Variants in KIZ observed in about 807,000 individuals in gnomAD.
KIZ encodes kizuna centrosomal protein, also known as centrosomal protein kizuna.
KIZ carries 68 observed loss-of-function variants against 79.6 expected under a neutral mutation model. That is an observed-to-expected ratio of 0.85 (90% confidence interval 0.70 to 1.05). KIZ has a LOEUF of 1.05. Ranked by LOEUF, KIZ falls within the 50% of genes least tolerant of loss-of-function variation. The pLI is 0.00. For synonymous variants in KIZ, 280 were observed against 281.8 expected, an observed-to-expected ratio of 0.99 and a Z score of 0.06; for missense variants, 797 against 800.4, an observed-to-expected ratio of 1.00 and a Z score of 0.05.
At chr20:21,136,656 C>T (rs1600356097) in intron 3 of KIZ, 104 bp downstream of exon 3, 3 of 763,292 alleles carry the variant, frequency 3.9e-6, no homozygotes, top group Non-Finnish European at 6.1e-6. Flanking sequence ...TAGACTTGAA[C>T]ACCTGGGCTC....
At chr20:21,137,414 G>A (rs749592209) in intron 3 of KIZ, among the ~76,000 whole-genome samples, 14 of 151,622 alleles carry the variant, frequency 9.2e-5, no homozygotes, top group Non-Finnish European at 1.9e-4. Flanking sequence ...TCTTAACACT[G>A]GTCACAGGAG....
At chr20:21,147,431 T>G (rs1442563198) in intron 4 of KIZ, among the ~76,000 whole-genome samples, 1 of 152,244 alleles carries the variant, frequency 6.6e-6, no homozygotes, top group Non-Finnish European at 1.5e-5. Context: ...AGCAAAATCA[T>G]GTTTTAGTTA....
intron 10 of KIZ, among the ~76,000 whole-genome samples, chr20:21,230,440 A>C (rs1365298088): frequency 6.6e-6 from 1 of 152,238 alleles, no homozygotes; most frequent in African/African-American, 2.4e-5. Flanking sequence ...ACACCACTGC[A>C]CTGGGCAACA....
chr20:21,232,602 TTC>T, intron 10 of KIZ, 130 bp from the exon 11 acceptor site: 1 of 599,404 alleles, frequency 1.7e-6, no homozygotes, highest in South Asian at 2.1e-5. Context: ...CTCCCTTGCC[TTC>T]TGTGGCTTGA....
intron 6 of KIZ, among the ~76,000 whole-genome samples, chr20:21,174,213 G>A (rs1248968433): frequency 2.6e-5 from 4 of 152,148 alleles, no homozygotes; most frequent in Non-Finnish European, 5.9e-5. Context: ...CAACCAAAAT[G>A]GTTGTTAGTA....
Position 21,162,442 on chromosome 20 carries a change from C to A in KIZ, c.977C>A (p.Ser326Ter), listed in dbSNP as rs1358081303. ...CCGCCAGTCTCTCCGATACCAGTTT[C>A]AGAATACTGTGAATCTGAAAATAAG... is the stretch of plus-strand genomic sequence containing the variant. ...ASPPVSPIPVSEYCESENKWS... is the reference protein window; with the variant it reads ...ASPPVSPIPV The change falls in exon 5 of 13, where the codon TCA becomes TAA. Residue 326 changes from serine to a stop codon, truncating the protein, a stop_gained. Transcript: ENST00000619189. LOFTEE classifies it high-confidence loss of function. 1 of 1,613,200 alleles carries A rather than the reference C, an allele frequency of 6.2e-7. No individual in the cohort carries two copies. Among genetic ancestry groups the A allele is most frequent in the East Asian group, 2.2e-5 (1 of 44,848 alleles).
intron 3 of KIZ, among the ~76,000 whole-genome samples, chr20:21,139,892 C>A (rs1287507868): frequency 2.0e-5 from 3 of 152,086 alleles, no homozygotes; most frequent in African/African-American, 7.2e-5. Context: ...TAAAAAAATT[C>A]TTCTAGTAGC....
intron 11 of KIZ, among the ~76,000 whole-genome samples, chr20:21,233,553 A>G (rs1179449655): frequency 6.6e-6 from 1 of 152,214 alleles, no homozygotes; most frequent in African/African-American, 2.4e-5. Flanking sequence ...TGGCATAGCA[A>G]CTTTCCTTTT....
At chr20:21,151,694 A>G (rs1416914547) in intron 4 of KIZ, 2 of 152,184 alleles carry the variant, frequency 1.3e-5, no homozygotes, top group Non-Finnish European at 1.5e-5. Context: ...TTATTAGAAA[A>G]AGATATACTT....
intron 9 of KIZ, among the ~76,000 whole-genome samples, chr20:21,225,548 T>C (rs1472030789): frequency 6.6e-6 from 1 of 152,240 alleles, no homozygotes; most frequent in Non-Finnish European, 1.5e-5. Context: ...CTTGGAAATA[T>C]ATCGACTTTG....
At chr20:21,137,008 A>G (rs1406721000) in intron 3 of KIZ, among the ~76,000 whole-genome samples, 5 of 152,260 alleles carry the variant, frequency 3.3e-5, no homozygotes, top group Non-Finnish European at 7.3e-5. Flanking sequence ...ATCACTAGCC[A>G]GTACCTGGCA....
Position 21,205,618 on chromosome 20 carries a change from C to G in KIZ, c.1446+34C>G, listed in dbSNP as rs1386412300. On this transcript the variant is annotated intron_variant, in intron 7 of 12. Coordinates refer to ENST00000619189, the MANE Select transcript of KIZ (RefSeq NM_018474.6). ...CTAAACTGTCTGAAGTTTTCCCAAT[C>G]ACAAATGTGGACCACAGGGTAAGGT... 3.4e-6 allele frequency: 3 copies of G among 892,700 alleles called. No homozygotes were observed. In the African/African-American group the frequency reaches 5.1e-5, roughly 15 times the overall value. 55.3% of individuals were successfully genotyped at this position (892,700 alleles called of 1,614,324 possible). A position where few individuals can be genotyped will look rare whatever the true frequency, so the allele number is the denominator to read the frequency against.
chr20:21,216,093 C>CCTGT (rs1427019652), intron 9 of KIZ, among the ~76,000 whole-genome samples: 2 of 152,124 alleles, frequency 1.3e-5, no homozygotes, highest in African/African-American at 4.8e-5. Context: ...AGTTACAAAG[C>CCTGT]CTGTCTGATA....
intron 7 of KIZ, among the ~76,000 whole-genome samples, chr20:21,207,946 C>T (rs754239197): frequency 5.3e-5 from 8 of 152,070 alleles, no homozygotes; most frequent in Non-Finnish European, 8.8e-5. Flanking sequence ...CTCCTGACCT[C>T]GGGTGATCCG....
rs571491163 is a variant in KIZ, at chr20:21,163,149, C to T, written c.1342C>T (p.Pro448Ser). ...AGAAAAGGAATCCTCCACTAACGCA[C>T]CAACAAGAGAGTAAGCCATTCAATT... The part of the protein sequence containing the change: ...DSEKESSTNA[P>S]TREPGQTPDS... The change falls in exon 6 of 13, where the codon CCA (proline) becomes TCA (serine). Residue 448 changes from proline (P) to serine (S), a missense_variant. Coordinates refer to ENST00000619189, the MANE Select transcript of KIZ (RefSeq NM_018474.6). 1.2e-6 allele frequency: 2 copies of T among 1,605,734 alleles called. No individual in the cohort carries two copies. The highest frequency in any genetic ancestry group is 2.2e-5 in the East Asian group (1 of 44,826).
chr20:21,185,478 C>A (rs148180579), intron 6 of KIZ, among the ~76,000 whole-genome samples: 3 of 146,916 alleles, frequency 2.0e-5, no homozygotes, highest in Non-Finnish European at 4.5e-5. Flanking sequence ...GGCATGATCG[C>A]GGCTCACTGT....
chr20:21,154,580 T>G (rs572203676), intron 4 of KIZ, among the ~76,000 whole-genome samples: 1 of 152,342 alleles, frequency 6.6e-6, no homozygotes, highest in East Asian at 1.9e-4. Context: ...AGCACTCAAC[T>G]ACAGAAAGTA....
rs2034534045 is a variant in KIZ at position 21,178,744 on chromosome 20, A to T, written c.1352+15585A>T. Among the ~76,000 whole-genome samples the T allele has an allele frequency of 2.0e-5, 3 of 152,114 alleles. No homozygotes were observed. The South Asian group carries it at 6.2e-4, about 31-fold the overall frequency. On this transcript the variant is annotated intron_variant, in intron 6 of 12. Transcript: ENST00000619189. ...ACCTTTATTAAGCTGAGGTAATTTC[A>T]TCCTATGTCTAGTTTATTGAGAGGT... is the stretch of plus-strand genomic sequence containing the variant.
At chr20:21,195,016 T>C (rs1170529917) in intron 6 of KIZ, 1 of 152,174 alleles carries the variant, frequency 6.6e-6, no homozygotes, top group East Asian at 1.9e-4. Context: ...AGGCTTTTGC[T>C]CTTGTTGAGA....
Sources: gnomAD v4.1 joint callset for allele counts (sites outside exome capture counted in the v4.1 genomes callset) on GRCh38, gnomAD v4.1.1 for gene constraint, MANE v1.5 for transcripts, NCBI Gene and HGNC (gene_info 2026-07-23, HGNC 2026-07-21) for gene names.